PARP1: variants seen among roughly 807,000 people sequenced by gnomAD.
The protein encoded by PARP1 is poly(ADP-ribose) polymerase 1.
A neutral mutation model predicts 118.7 loss-of-function variants in PARP1; 44 were observed. The ratio of observed to expected loss-of-function variants is 0.37; its 90% CI spans 0.29 to 0.48. The LOEUF is 0.48. PARP1 is among the 20% of genes least tolerant of loss of function. The pLI, the probability that PARP1 is intolerant of heterozygous loss-of-function variation, is 0.99. For synonymous variants in PARP1, 492 were observed against 483.2 expected, an observed-to-expected ratio of 1.02 and a Z score of -0.24; for missense variants, 1,100 against 1,272.4, an observed-to-expected ratio of 0.86 and a Z score of 2.06.
chr1:226,379,038 CA>C, intron 12 of PARP1, 103 bp downstream of exon 12: 1 of 1,375,292 alleles, frequency 7.3e-7, no homozygotes, highest in Non-Finnish European at 1.0e-6. Flanking sequence ...TTTCATTCCC[CA>C]GGCACTGGGC....
chr1:226,379,738 C>G (rs892769964), intron 10 of PARP1, 97 bp from the exon 11 acceptor site: 3 of 1,321,986 alleles, frequency 2.3e-6, no homozygotes, highest in Non-Finnish European at 3.3e-6. Flanking sequence ...TTCCCATCAT[C>G]TGTCAACTCG....
At position 226,390,767 on chromosome 1, in the gene PARP1, G is replaced by A. The variant is rs1006519312; in HGVS notation, c.403-143C>T. ...CCAACTTGAAGACTCATGAGCTTTT[G>A]AGAGGTTTAGCTCTCTCAGGTCATC... On this transcript the variant is annotated intron_variant, in intron 3 of 22. Transcript: ENST00000366794. 83 of 748,220 alleles carry A rather than the reference G, an allele frequency of 1.1e-4. 1 individual carries two copies. In the Admixed American group the frequency reaches 1.6e-3, roughly 15 times the overall value. 46.3% of individuals were successfully genotyped at this position (748,220 alleles called of 1,614,324 possible). A position where few individuals can be genotyped will look rare whatever the true frequency, so the allele number is the denominator to read the frequency against.
chr1:226,401,951 T>A, intron 2 of PARP1: 1 of 1,435,404 alleles, frequency 7.0e-7, no homozygotes, highest in Non-Finnish European at 9.1e-7. Flanking sequence ...ACTTTTGCCA[T>A]GAACAAAAAT....
At chr1:226,374,380 G>C in intron 13 of PARP1, 26 bp from the exon 14 acceptor site, 1 of 1,614,148 alleles carries the variant, frequency 6.2e-7, no homozygotes, top group Non-Finnish European at 8.5e-7. Flanking sequence ...ACATTGCTAA[G>C]AGACCCAAAT....
rs771960165 is a variant in PARP1 at position 226,365,140 on chromosome 1, C to T, written c.2520G>A (p.Glu840=). Residue 840 remains glutamate, a synonymous_variant, in exon 19 of 23, where the codon GAG becomes GAA. Transcript: ENST00000366794. The part of the protein sequence containing the change: ...DLEVIDIFKI[E]REGECQRYKP... ...TGTAACGCTGGCATTCGCCTTCACG[C>T]TCTATCTTAAAGATCTGGTTGGAGT... is the stretch of plus-strand genomic sequence containing the variant. 1.2e-6 allele frequency: 2 copies of T among 1,614,090 alleles called. No individual in the cohort carries two copies. The highest frequency in any genetic ancestry group is 1.7e-6 in the Non-Finnish European group (2 of 1,180,054).
rs1664511621 is a variant in PARP1, at chr1:226,377,293, A to G, written c.1756T>C (p.Phe586Leu). ...EDDKENRYWI[F>L]RSWGRVGTVI... ...GTACCCACACGGCCCCAGGACCTGA[A>G]TATCCAATACCTGCAGTGGGAAGGA... is the stretch of plus-strand genomic sequence containing the variant. The change falls in exon 13 of 23, where the codon TTC becomes CTC. Residue 586 changes from phenylalanine (F) to leucine (L), a missense_variant. Coordinates refer to ENST00000366794, the MANE Select transcript of PARP1 (RefSeq NM_001618.4). 1 of 1,613,742 alleles carries G rather than the reference A, an allele frequency of 6.2e-7. No individual in the cohort carries two copies. The highest frequency in any genetic ancestry group is 1.7e-5 in the Admixed American group (1 of 60,006).
At position 226,380,056 on chromosome 1, in the gene PARP1, T is replaced by C. The variant is rs771699480; in HGVS notation, c.1409A>G (p.Gln470Arg). The stretch of plus-strand genomic sequence containing the variant: ...CAAGATGTGCGCTAAGAACAACTCC[T>C]GAAGGCTCTTGGTGGAGGCGGAGAC... Reference protein sequence around the residue: ...QDVSASTKSLQELFLAHILSP... With the variant: ...QDVSASTKSLRELFLAHILSP... Residue 470 changes from glutamine (Q) to arginine (R), a missense_variant, in exon 10 of 23, where the codon CAG (glutamine) becomes CGG (arginine). Around this residue, in one of 2 missense-constraint regions of PARP1, gnomAD observed 948 missense variants for 1,031.8 expected, o/e 0.92. Transcript: ENST00000366794. 2 of 1,614,106 alleles carry C rather than the reference T, an allele frequency of 1.2e-6. No homozygotes were observed. Among genetic ancestry groups the C allele is most frequent in the Non-Finnish European group, 1.7e-6 (2 of 1,180,042 alleles).
Position 226,383,181 on chromosome 1 carries a change from T to C in PARP1, c.1014A>G (p.Glu338=), listed in dbSNP as rs749502486. The C allele has an allele frequency of 1.9e-6, 3 of 1,612,824 alleles. No individual in the cohort carries two copies. The highest frequency in any genetic ancestry group is 3.3e-5 in the Admixed American group (2 of 60,032). ...PNRKEWVTPK[E]FREISYLKKL... ...TCTTGAGGTAAGAGATTTCTCGGAA[T>C]TCCTAAAAAATATTAAGTTTTAGTT... The change falls in exon 8 of 23, where the codon GAA becomes GAG. Residue 338 remains glutamate (E), a splice_region_variant and synonymous_variant. Transcript: ENST00000366794.
At chr1:226,397,092 C>G (rs1664938426) in intron 2 of PARP1, among the ~76,000 whole-genome samples, 2 of 149,694 alleles carry the variant, frequency 1.3e-5, no homozygotes, top group African/African-American at 4.9e-5. Context: ...AGTTTGAGAC[C>G]AGCCTGGGGT....
At chr1:226,384,093 T>C (rs574120742) in intron 7 of PARP1, among the ~76,000 whole-genome samples, 1 of 152,310 alleles carries the variant, frequency 6.6e-6, no homozygotes, top group African/African-American at 2.4e-5. Context: ...CAGGGAATGC[T>C]AGCATGCACT....
chr1:226,362,852 ATT>A (rs3046776), intron 21 of PARP1, among the ~76,000 whole-genome samples: 84,233 of 148,310 alleles, frequency 0.57, 24,656 homozygotes, highest in Middle Eastern at 0.68. Context: ...GAGCTTGCCT[ATT>A]TTTTTTTTTT....
intron 21 of PARP1, 145 bp downstream of exon 21, chr1:226,362,954 G>T (rs1664180398): frequency 1.5e-6 from 1 of 683,940 alleles, no homozygotes; most frequent in Non-Finnish European, 2.7e-6. Context: ...CAACAACAAC[G>T]CACACACACC....
At position 226,408,056 on chromosome 1, in the gene PARP1, A is replaced by C; in HGVS notation, c.-127T>G. On this transcript the variant is annotated 5_prime_UTR_variant, in exon 1 of 23. Coordinates refer to ENST00000366794, the MANE Select transcript of PARP1 (RefSeq NM_001618.4). Reference sequence around the variant, plus strand: ...TGAGCGGCCAGAGCCGCCACCGAACACGCCGCACCGGCCACCGCCGTTCCC... The same window carrying C: ...TGAGCGGCCAGAGCCGCCACCGAACCCGCCGCACCGGCCACCGCCGTTCCC... The C allele has an allele frequency of 4.5e-6, 6 of 1,342,776 alleles. No individual in the cohort carries two copies. The highest frequency in any genetic ancestry group is 5.2e-6 in the Non-Finnish European group (5 of 963,870). The allele number at this position is 1,342,776 out of a possible 1,614,324, so 83.2% of individuals were successfully genotyped here.
At chr1:226,405,043 T>C (rs1230174558) in intron 1 of PARP1, among the ~76,000 whole-genome samples, 1 of 152,116 alleles carries the variant, frequency 6.6e-6, no homozygotes, top group Admixed American at 6.5e-5. Flanking sequence ...AGGGCTAAAG[T>C]GTCAGGTATC....
intron 13 of PARP1, among the ~76,000 whole-genome samples, chr1:226,376,375 C>A (rs1232870382): frequency 6.6e-6 from 1 of 152,076 alleles, no homozygotes; most frequent in Non-Finnish European, 1.5e-5. Flanking sequence ...TAAGGAGACG[C>A]CCAAAACTAC....
At chr1:226,365,342 G>GC (rs1318690482) in intron 18 of PARP1, among the ~76,000 whole-genome samples, 188 bp from the exon 19 acceptor site, 1 of 152,206 alleles carries the variant, frequency 6.6e-6, no homozygotes, top group African/African-American at 2.4e-5. Flanking sequence ...GCCCAGCAGC[G>GC]CCCAGCCATT....
Position 226,392,298 on chromosome 1 carries a change from T to C in PARP1, c.303A>G (p.Gly101=). 1.2e-6 allele frequency: 2 copies of C among 1,613,708 alleles called. No homozygotes were observed. Among genetic ancestry groups the C allele is most frequent in the Non-Finnish European group, 1.7e-6 (2 of 1,179,760 alleles). The change falls in exon 3 of 23, where the codon GGA becomes GGG. Residue 101 remains glycine (G), a synonymous_variant. Transcript: ENST00000366794. The part of the protein sequence containing the change: ...AGGVTGKGQD[G]IGSKAEKTLG... ...GAGTCTTCTCTGCCTTGCTACCAAT[T>C]CCATCCTGGCCTTTGCCTGGAGAAT...
At chr1:226,384,165 G>C (rs1487704267) in intron 7 of PARP1, among the ~76,000 whole-genome samples, 1 of 152,256 alleles carries the variant, frequency 6.6e-6, no homozygotes, top group Non-Finnish European at 1.5e-5. Context: ...CCTAAGCACA[G>C]CCATCTGAGT....
At chr1:226,361,924 G>A (rs374349585) in intron 22 of PARP1, 45 bp downstream of exon 22, 32 of 1,183,546 alleles carry the variant, frequency 2.7e-5, no homozygotes, top group Admixed American at 5.1e-5. Flanking sequence ...TCTGTAGCTC[G>A]AGAACATCCC....
Sources: allele counts gnomAD v4.1 joint callset (sites outside exome capture counted in the v4.1 genomes callset), GRCh38; gene constraint gnomAD v4.1.1; regional missense constraint gnomAD v4.1.1; transcripts MANE v1.5; gene names NCBI Gene and HGNC (gene_info 2026-07-23, HGNC 2026-07-21).